KCNJ6: variants seen among roughly 807,000 people sequenced by gnomAD.
KCNJ6 encodes G protein-activated inward rectifier potassium channel 2.
In KCNJ6, 9 loss-of-function variants were observed where a neutral mutation model predicts 34.2. The ratio of observed to expected loss-of-function variants is 0.26; its 90% CI spans 0.16 to 0.46. The LOEUF (loss-of-function observed/expected upper bound fraction) is 0.46, where lower values mean the gene tolerates loss of function less well. KCNJ6 is among the 20% of genes least tolerant of loss of function. KCNJ6 has a pLI of 1.00. For synonymous variants in KCNJ6, 196 were observed against 207.1 expected (o/e 0.95, Z 0.46); for missense variants, 236 against 531.3 (o/e 0.44, Z 5.46).
intron 2 of KCNJ6, among the ~76,000 whole-genome samples, chr21:37,764,660 A>G (rs755336765): frequency 1.3e-5 from 2 of 152,208 alleles, no homozygotes; most frequent in South Asian, 2.1e-4. Flanking sequence ...TTACAGGTGT[A>G]AGCCACCGAG....
chr21:37,829,436 C>G (rs2055414514), intron 2 of KCNJ6, among the ~76,000 whole-genome samples: 1 of 152,192 alleles, frequency 6.6e-6, no homozygotes, highest in Non-Finnish European at 1.5e-5. Flanking sequence ...GGTGCTTCTG[C>G]ACTTGGGTTT....
Position 37,677,080 on chromosome 21 carries a change from G to C in KCNJ6, c.946+37131C>G, listed in dbSNP as rs570396786. ...TGTCCAGTGGCAGAAATCGATAATTGGTTCCAGTTCCTCTCCCCAGGTGCC... is the reference window on the plus strand; with the variant it reads ...TGTCCAGTGGCAGAAATCGATAATTCGTTCCAGTTCCTCTCCCCAGGTGCC... On this transcript the variant is annotated intron_variant, in intron 3 of 3. Coordinates refer to ENST00000609713, the MANE Select transcript of KCNJ6 (RefSeq NM_002240.5). Among the ~76,000 whole-genome samples the C allele has an allele frequency of 3.3e-5, 5 of 152,300 alleles. No individual in the cohort carries two copies. The South Asian group carries it at 6.2e-4, about 19-fold the overall frequency.
At chr21:37,847,792 G>A (rs1004664841) in intron 1 of KCNJ6, among the ~76,000 whole-genome samples, 4 of 149,490 alleles carry the variant, frequency 2.7e-5, no homozygotes, top group Admixed American at 6.7e-5. Context: ...GGGGGAGAAG[G>A]AGGGGGAGAA....
At chr21:37,723,430 A>G (rs1240760754) in intron 2 of KCNJ6, among the ~76,000 whole-genome samples, 1 of 152,232 alleles carries the variant, frequency 6.6e-6, no homozygotes, top group Non-Finnish European at 1.5e-5. Flanking sequence ...TATATTCCTA[A>G]AGGAAAATAA....
chr21:37,699,957 A>G lies in KCNJ6; in HGVS notation c.946+14254T>C, dbSNP rs561223848. On this transcript the variant is annotated intron_variant, in intron 3 of 3. Coordinates refer to ENST00000609713, the MANE Select transcript of KCNJ6 (RefSeq NM_002240.5). ...CCACAACTGGTAGAGCCCAGATTAC[A>G]TAGCGTCCGGTGGAAAGGAAACTCT... Among the ~76,000 whole-genome samples, 98 of 152,348 alleles carry G rather than the reference A, an allele frequency of 6.4e-4. No individual in the cohort carries two copies. In the Middle Eastern group the frequency reaches 0.01, roughly 16 times the overall value.
intron 2 of KCNJ6, among the ~76,000 whole-genome samples, chr21:37,808,083 T>C (rs1244156355): frequency 1.3e-5 from 2 of 152,244 alleles, no homozygotes; most frequent in African/African-American, 4.8e-5. Flanking sequence ...GCCACACCTC[T>C]ACTATAGGAT....
intron 2 of KCNJ6, among the ~76,000 whole-genome samples, chr21:37,736,421 T>C (rs1037093299): frequency 6.6e-5 from 10 of 152,234 alleles, no homozygotes; most frequent in African/African-American, 2.4e-4. Flanking sequence ...TTTTGGAACA[T>C]GATGGAGTTG....
intron 3 of KCNJ6, among the ~76,000 whole-genome samples, chr21:37,679,210 A>G (rs1450811264): frequency 1.3e-5 from 2 of 152,188 alleles, no homozygotes; most frequent in East Asian, 1.9e-4. Flanking sequence ...GCCCCAGCCA[A>G]CATCTTGATT....
chr21:37,878,170 T>G (rs1419735090), intron 1 of KCNJ6, among the ~76,000 whole-genome samples: 1 of 152,132 alleles, frequency 6.6e-6, no homozygotes, highest in Non-Finnish European at 1.5e-5. Context: ...AAAATGCTAG[T>G]TTCAAAATAA....
chr21:37,850,767 C>A (rs1418324641), intron 1 of KCNJ6, among the ~76,000 whole-genome samples: 1 of 152,094 alleles, frequency 6.6e-6, no homozygotes, highest in Non-Finnish European at 1.5e-5. Flanking sequence ...TGTTGTATTA[C>A]GGAGCCCCAT....
At chr21:37,711,799 C>G (rs1203038734) in intron 3 of KCNJ6, among the ~76,000 whole-genome samples, 1 of 134,886 alleles carries the variant, frequency 7.4e-6, no homozygotes, top group Non-Finnish European at 1.5e-5. Context: ...TTTCTAGAAC[C>G]CCCCCCCCAA....
chr21:37,660,496 G>A (rs2054483252), intron 3 of KCNJ6, among the ~76,000 whole-genome samples: 1 of 152,208 alleles, frequency 6.6e-6, no homozygotes, highest in Non-Finnish European at 1.5e-5. Flanking sequence ...TAGCACATGG[G>A]ATGCTGATTT....
chr21:37,904,495 T>A (rs2055831885), intron 1 of KCNJ6, among the ~76,000 whole-genome samples: 2 of 152,336 alleles, frequency 1.3e-5, no homozygotes, highest in South Asian at 2.1e-4. Flanking sequence ...AAAAAAATTA[T>A]CTTCACTTAC....
At chr21:37,803,740 C>G (rs1374368545) in intron 2 of KCNJ6, among the ~76,000 whole-genome samples, 3 of 152,150 alleles carry the variant, frequency 2.0e-5, no homozygotes, top group Admixed American at 2.0e-4. Context: ...AAAATGAACA[C>G]ACGACACCTA....
chr21:37,677,319 T>C (rs972616377), intron 3 of KCNJ6, among the ~76,000 whole-genome samples: 1 of 152,202 alleles, frequency 6.6e-6, no homozygotes, highest in African/African-American at 2.4e-5. Flanking sequence ...CTGCCACATA[T>C]GTGCAGCTCC....
intron 1 of KCNJ6, among the ~76,000 whole-genome samples, chr21:37,849,968 G>GCAAA (rs2123589444): frequency 6.6e-6 from 1 of 152,280 alleles, no homozygotes; most frequent in Admixed American, 6.5e-5. Flanking sequence ...TAGAATGAAT[G>GCAAA]GAATGTCCCT....
chr21:37,743,121 C>T (rs2054949361), intron 2 of KCNJ6, among the ~76,000 whole-genome samples: 1 of 152,178 alleles, frequency 6.6e-6, no homozygotes, highest in Non-Finnish European at 1.5e-5. Context: ...ACTTAGCCCA[C>T]AGGATGACAG....
At chr21:37,796,093 T>C (rs1601475632) in intron 2 of KCNJ6, among the ~76,000 whole-genome samples, 2 of 152,148 alleles carry the variant, frequency 1.3e-5, no homozygotes, top group Admixed American at 1.3e-4. Flanking sequence ...AGCAGCGCTG[T>C]GATCGGCTTC....
chr21:37,886,004 G>A (rs1387587870), intron 1 of KCNJ6, among the ~76,000 whole-genome samples: 1 of 152,238 alleles, frequency 6.6e-6, no homozygotes, highest in Non-Finnish European at 1.5e-5. Context: ...GTCCTGGGAA[G>A]GCTGTTATCT....
Sources: gnomAD v4.1 joint callset for allele counts (sites outside exome capture counted in the v4.1 genomes callset) on GRCh38, gnomAD v4.1.1 for gene constraint, MANE v1.5 for transcripts, NCBI Gene and HGNC (gene_info 2026-07-23, HGNC 2026-07-21) for gene names.